Variants in FRMD5 observed in about 807,000 individuals in gnomAD.
FRMD5 encodes FERM domain containing 5.
In FRMD5, 20 loss-of-function variants were observed where a neutral mutation model predicts 69.0. The ratio of observed to expected loss-of-function variants is 0.29; its 90% confidence interval spans 0.20 to 0.42. FRMD5 has a LOEUF of 0.42. Ranked by LOEUF, FRMD5 falls within the 10% of genes least tolerant of loss-of-function variation. The probability of loss-of-function intolerance (pLI) is 1.00; values close to 1 mark genes in which losing one functional copy is unlikely to be tolerated. For missense variants in FRMD5, 595 were observed against 708.6 expected (o/e 0.84, Z 1.82); for synonymous variants, 271 against 260.1 (o/e 1.04, Z -0.40).
intron 1 of FRMD5, among the ~76,000 whole-genome samples, chr15:44,057,656 G>T (rs982201672): frequency 6.6e-6 from 1 of 152,142 alleles, no homozygotes; most frequent in African/African-American, 2.4e-5. Flanking sequence ...GAGAACCCAG[G>T]ATACAACAGC....
Position 43,883,771 on chromosome 15 carries a change from G to C in FRMD5, c.1067C>G (p.Thr356Ser). 1 of 1,614,100 alleles carries C rather than the reference G, an allele frequency of 6.2e-7. No individual in the cohort carries two copies. The highest frequency in any genetic ancestry group is 8.5e-7 in the Non-Finnish European group (1 of 1,179,954). ...MVPSRSCPSI[T>S]HGPRLSSVPR... ...GACGCTGCTCAGCCTTGGGCCATGG[G>C]TTATGGAGGGACAGCTCCGGCTGGG... is the stretch of plus-strand genomic sequence containing the variant. Residue 356 changes from threonine to serine, a missense_variant, in exon 13 of 14, where the codon ACC becomes AGC. By Grantham distance (58) the Thr-to-Ser change is moderately conservative. Transcript: ENST00000417257.
chr15:43,913,377 T>C (rs1349916737), intron 4 of FRMD5, among the ~76,000 whole-genome samples: 2 of 152,222 alleles, frequency 1.3e-5, no homozygotes, highest in South Asian at 2.1e-4. Flanking sequence ...CAAGAGGAGA[T>C]GAGCTCATGA....
intron 1 of FRMD5, among the ~76,000 whole-genome samples, chr15:44,039,216 C>T (rs1892073331): frequency 6.6e-6 from 1 of 152,218 alleles, no homozygotes; most frequent in Non-Finnish European, 1.5e-5. Flanking sequence ...GGACAGAGCA[C>T]CCGGGGGAAG....
chr15:43,992,954 T>G (rs1889756975), intron 1 of FRMD5, among the ~76,000 whole-genome samples: 1 of 152,144 alleles, frequency 6.6e-6, no homozygotes, highest in African/African-American at 2.4e-5. Context: ...TTTTGGTATT[T>G]TGTATTCTAT....
intron 1 of FRMD5, among the ~76,000 whole-genome samples, chr15:44,138,959 G>A (rs1400212924): frequency 6.6e-6 from 1 of 152,158 alleles, no homozygotes; most frequent in Non-Finnish European, 1.5e-5. Context: ...AGAGAGTGGG[G>A]AGTAGGCCAG....
At chr15:43,881,345 C>T (rs985518406) in intron 13 of FRMD5, among the ~76,000 whole-genome samples, 18 of 152,122 alleles carry the variant, frequency 1.2e-4, no homozygotes, top group African/African-American at 3.9e-4. Flanking sequence ...AAAAGAGGGA[C>T]GGAGAGAGCC....
intron 1 of FRMD5, among the ~76,000 whole-genome samples, chr15:44,189,209 T>C (rs538377874): frequency 2.0e-5 from 3 of 152,318 alleles, no homozygotes; most frequent in South Asian, 2.1e-4. Flanking sequence ...TACTAGAAAG[T>C]TGGTAAGACC....
At chr15:43,905,768 C>G in intron 6 of FRMD5, 60 bp downstream of exon 6, 1 of 1,603,588 alleles carries the variant, frequency 6.2e-7, no homozygotes, top group Non-Finnish European at 8.5e-7. Context: ...CGGCGTGGAG[C>G]CTGCGTGCTC....
At chr15:43,955,839 T>C (rs922058781) in intron 1 of FRMD5, among the ~76,000 whole-genome samples, 11 of 152,134 alleles carry the variant, frequency 7.2e-5, no homozygotes, top group Admixed American at 2.6e-4. Context: ...GGCATGGTCC[T>C]TGGCTATACA....
At chr15:44,066,372 A>T (rs1893310948) in intron 1 of FRMD5, among the ~76,000 whole-genome samples, 1 of 152,216 alleles carries the variant, frequency 6.6e-6, no homozygotes, top group Non-Finnish European at 1.5e-5. Context: ...TAAGGGCCAC[A>T]CAGTCGTTTA....
intron 13 of FRMD5, among the ~76,000 whole-genome samples, chr15:43,875,644 A>C (rs2088321852): frequency 1.3e-5 from 2 of 151,026 alleles, no homozygotes; most frequent in Non-Finnish European, 2.9e-5. Context: ...CACCCAGCTA[A>C]TTTTTTTATT....
At chr15:43,935,709 G>A (rs2089748939) in intron 1 of FRMD5, among the ~76,000 whole-genome samples, 1 of 152,086 alleles carries the variant, frequency 6.6e-6, no homozygotes, top group Admixed American at 6.5e-5. Flanking sequence ...TGAGTGGAGG[G>A]GAGGCAGGAA....
At chr15:43,967,391 C>G (rs986281912) in intron 1 of FRMD5, among the ~76,000 whole-genome samples, 2 of 151,952 alleles carry the variant, frequency 1.3e-5, no homozygotes, top group Non-Finnish European at 2.9e-5. Context: ...TGCCACCACG[C>G]CTGGCTAATT....
intron 7 of FRMD5, among the ~76,000 whole-genome samples, chr15:43,896,835 C>T (rs1442554376): frequency 6.6e-6 from 1 of 152,206 alleles, no homozygotes. Context: ...TTATAAAACC[C>T]TCTGGAAGAT....
chr15:43,992,197 G>T (rs1889716346), intron 1 of FRMD5, among the ~76,000 whole-genome samples: 1 of 152,088 alleles, frequency 6.6e-6, no homozygotes. Context: ...GTTGGAGATT[G>T]TTCTGAGTTT....
intron 1 of FRMD5, among the ~76,000 whole-genome samples, chr15:44,053,847 C>CT (rs1892764702): frequency 6.6e-6 from 1 of 152,130 alleles, no homozygotes; most frequent in African/African-American, 2.4e-5. Flanking sequence ...TAGATGGTAA[C>CT]TGAAGCTGTA....
intron 10 of FRMD5, among the ~76,000 whole-genome samples, chr15:43,887,309 A>G (rs1172534426): frequency 6.6e-6 from 1 of 152,152 alleles, no homozygotes; most frequent in Non-Finnish European, 1.5e-5. Context: ...TTGCATCTCA[A>G]GTTGCTTCTC....
intron 1 of FRMD5, among the ~76,000 whole-genome samples, chr15:44,015,029 T>A (rs1014100706): frequency 6.6e-6 from 1 of 152,158 alleles, no homozygotes; most frequent in African/African-American, 2.4e-5. Context: ...ATCCCTGTTT[T>A]TCACCCCAAA....
chr15:44,093,799 C>T (rs1220681721), intron 1 of FRMD5, among the ~76,000 whole-genome samples: 3 of 151,948 alleles, frequency 2.0e-5, no homozygotes, highest in African/African-American at 7.3e-5. Context: ...GTCTCGATCT[C>T]CTAATGTTGT....
Sources: gnomAD v4.1 joint callset for allele counts (sites outside exome capture counted in the v4.1 genomes callset) on GRCh38, gnomAD v4.1.1 for gene constraint, MANE v1.5 for transcripts, NCBI Gene and HGNC (gene_info 2026-07-23, HGNC 2026-07-21) for gene names.